AFAP1: variants seen among roughly 807,000 people sequenced by gnomAD.
The protein encoded by AFAP1 is actin filament-associated protein 1.
A neutral mutation model predicts 93.9 loss-of-function variants in AFAP1; 75 were observed. That is an observed-to-expected ratio of 0.80 (90% CI 0.66 to 0.97). The LOEUF is 0.97. Among genes scored for constraint, AFAP1 ranks in the 50% least tolerant of loss-of-function variants. The pLI is 0.00. For missense variants in AFAP1, 1,201 were observed against 1,050.8 expected (o/e 1.14, Z -1.98); for synonymous variants, 517 against 430.7 (o/e 1.20, Z -2.48).
intron 6 of AFAP1, among the ~76,000 whole-genome samples, chr4:7,828,619 G>A (rs1236147932): frequency 6.6e-6 from 1 of 152,166 alleles, no homozygotes; most frequent in African/African-American, 2.4e-5. Context: ...AGCAACAGTG[G>A]TAAGAGCAGC....
chr4:7,935,303 T>C (rs1721310889), intron 1 of AFAP1, among the ~76,000 whole-genome samples: 1 of 152,208 alleles, frequency 6.6e-6, no homozygotes, highest in South Asian at 2.1e-4. Flanking sequence ...GGAACTGAAG[T>C]TCAGAAAAGT....
chr4:7,760,591 A>G lies in AFAP1; in HGVS notation c.*3174T>C, dbSNP rs1303501854. On this transcript the variant is annotated 3_prime_UTR_variant, in exon 18 of 18. Transcript: ENST00000420658. ...TTCTGGGAAGAGGGAGCCATCGCCC[A>G]TGCCTGTGCCCAGGTCAGGGGGACA... The G allele has an allele frequency of 2.6e-5, 4 of 152,302 alleles. No homozygotes were observed. The highest frequency in any genetic ancestry group is 9.6e-5 in the African/African-American group (4 of 41,478). 9.4% of individuals were successfully genotyped at this position (152,302 alleles called of 1,614,324 possible).
chr4:7,849,651 T>C (rs1714206217), intron 4 of AFAP1, among the ~76,000 whole-genome samples: 1 of 152,182 alleles, frequency 6.6e-6, no homozygotes, highest in South Asian at 2.1e-4. Flanking sequence ...TGATGGTGCT[T>C]TGCAGCTGTG....
rs192174517 is a variant in AFAP1 at position 7,784,609 on chromosome 4, C to T, written c.1530+1585G>A. 3.9e-5 allele frequency among the ~76,000 whole-genome samples: 6 copies of T among 152,218 alleles called. No homozygotes were observed. In the East Asian group the frequency reaches 7.7e-4, roughly 20 times the overall value. On this transcript the variant is annotated intron_variant, in intron 12 of 17. Transcript: ENST00000420658. ...AGGTGGGGGCCTCGCACAGAAAGGG[C>T]GGCCTCCCCCACAGGAACCCCAGGG...
intron 1 of AFAP1, among the ~76,000 whole-genome samples, chr4:7,924,701 C>A (rs1441257074): frequency 6.6e-6 from 1 of 152,090 alleles, no homozygotes; most frequent in East Asian, 1.9e-4. Context: ...AGAACTCAGA[C>A]CACAACCTGC....
chr4:7,810,542 G>A (rs1356580393), intron 8 of AFAP1, among the ~76,000 whole-genome samples: 3 of 152,172 alleles, frequency 2.0e-5, no homozygotes, highest in African/African-American at 4.8e-5. Flanking sequence ...GGAGCCCCTC[G>A]GCCATCTGTG....
intron 1 of AFAP1, among the ~76,000 whole-genome samples, chr4:7,929,634 G>C (rs981251345): frequency 3.9e-5 from 6 of 152,130 alleles, no homozygotes; most frequent in African/African-American, 1.4e-4. Flanking sequence ...TGCACCTCTG[G>C]AGCCACACTG....
At chr4:7,895,955 C>G (rs28726254) in intron 1 of AFAP1, among the ~76,000 whole-genome samples, 66,082 of 150,356 alleles carry the variant, frequency 0.44, 17,314 homozygotes, top group Non-Finnish European at 0.61. Flanking sequence ...GTGCCTCCCA[C>G]GTTGAAGCGA....
At chr4:7,777,197 C>T (rs899093920) in intron 14 of AFAP1, 1 of 152,174 alleles carries the variant, frequency 6.6e-6, no homozygotes, top group Non-Finnish European at 1.5e-5. Flanking sequence ...AAAGAAACAA[C>T]ACTAAAAGAG....
chr4:7,919,998 G>C (rs1209164574), intron 1 of AFAP1, among the ~76,000 whole-genome samples: 2 of 152,158 alleles, frequency 1.3e-5, no homozygotes, highest in African/African-American at 4.8e-5. Context: ...TGGGTGAATA[G>C]TATTCCATGG....
intron 6 of AFAP1, among the ~76,000 whole-genome samples, chr4:7,837,125 C>T (rs1229796706): frequency 2.6e-5 from 4 of 152,066 alleles, no homozygotes; most frequent in African/African-American, 9.7e-5. Flanking sequence ...TAACAATGTA[C>T]AAATAGTATT....
At chr4:7,843,095 T>C (rs752396945) in intron 5 of AFAP1, 44 bp downstream of exon 5, 8 of 1,593,384 alleles carry the variant, frequency 5.0e-6, no homozygotes, top group Admixed American at 1.7e-5. Flanking sequence ...GGCTTCTGAG[T>C]GCAGCAATCT....
At chr4:7,913,718 C>G (rs973494206) in intron 1 of AFAP1, among the ~76,000 whole-genome samples, 4 of 152,188 alleles carry the variant, frequency 2.6e-5, no homozygotes, top group African/African-American at 9.7e-5. Context: ...GTATCTAAAG[C>G]AAGCCTAAAG....
At chr4:7,818,390 G>A (rs1485468091) in intron 7 of AFAP1, among the ~76,000 whole-genome samples, 2 of 152,140 alleles carry the variant, frequency 1.3e-5, no homozygotes, top group Non-Finnish European at 2.9e-5. Flanking sequence ...TGACTTATAT[G>A]AGGACAGGCA....
intron 1 of AFAP1, among the ~76,000 whole-genome samples, chr4:7,906,073 A>C (rs917334476): frequency 1.3e-5 from 2 of 152,198 alleles, no homozygotes; most frequent in Non-Finnish European, 2.9e-5. Flanking sequence ...ACCTCCCAAG[A>C]ACCTCTCTCC....
At chr4:7,811,673 G>A (rs543731306) in intron 8 of AFAP1, among the ~76,000 whole-genome samples, 1 of 152,268 alleles carries the variant, frequency 6.6e-6, no homozygotes, top group African/African-American at 2.4e-5. Flanking sequence ...CACAGGCACA[G>A]AAGAAAGGCC....
chr4:7,827,655 G>C (rs1721554833), intron 6 of AFAP1, among the ~76,000 whole-genome samples: 1 of 148,136 alleles, frequency 6.8e-6, no homozygotes, highest in African/African-American at 2.5e-5. Context: ...AAGCTTTTGA[G>C]AGACACCAAC....
At chr4:7,766,631 G>A (rs575345420) in intron 17 of AFAP1, among the ~76,000 whole-genome samples, 10 of 148,048 alleles carry the variant, frequency 6.8e-5, no homozygotes, top group Admixed American at 2.0e-4. Flanking sequence ...ACTGTGTCAC[G>A]AGAGGGTAAC....
chr4:7,855,408 TCTG>T, intron 4 of AFAP1, 55 bp downstream of exon 4: 1 of 1,338,188 alleles, frequency 7.5e-7, no homozygotes, highest in Non-Finnish European at 1.0e-6. Flanking sequence ...GGGGACAGGC[TCTG>T]CAACAGTCCT....
Sources: gnomAD v4.1 joint callset for allele counts (sites outside exome capture counted in the v4.1 genomes callset) on GRCh38, gnomAD v4.1.1 for gene constraint, MANE v1.5 for transcripts, NCBI Gene and HGNC (gene_info 2026-07-23, HGNC 2026-07-21) for gene names.